Variants in STARD13 observed in about 807,000 individuals in gnomAD.
STARD13 encodes the protein stAR-related lipid transfer protein 13.
In STARD13, 62 loss-of-function variants were observed where a neutral mutation model predicts 106.4. The ratio of observed to expected loss-of-function variants is 0.58; its 90% CI spans 0.48 to 0.72. STARD13 has a LOEUF of 0.72. Ranked by LOEUF, STARD13 falls within the 30% of genes least tolerant of loss-of-function variation. The pLI is 0.00. For synonymous variants in STARD13, 565 were observed against 553.0 expected, an observed-to-expected ratio of 1.02 and a Z score of -0.31; for missense variants, 1,387 against 1,424.0, an observed-to-expected ratio of 0.97 and a Z score of 0.42.
intron 1 of STARD13, among the ~76,000 whole-genome samples, chr13:33,267,920 A>C (rs1890976871): frequency 6.6e-6 from 1 of 152,192 alleles, no homozygotes; most frequent in African/African-American, 2.4e-5. Context: ...GGCTTATCTT[A>C]CCACATCTTA....
intron 1 of STARD13, chr13:33,180,400 T>A (rs1885119544): frequency 6.6e-6 from 1 of 152,198 alleles, no homozygotes; most frequent in Non-Finnish European, 1.5e-5. Flanking sequence ...AGGGCAAAGA[T>A]GTGTTAAAAC....
chr13:33,610,780 A>G, the STARD13 span, among the ~76,000 whole-genome samples: 11 of 152,296 alleles, frequency 7.2e-5, 1 homozygote, highest in South Asian at 2.3e-3. Context: ...TGAAGCAGGG[A>G]CGCAGTGCTC....
the STARD13 span, among the ~76,000 whole-genome samples, chr13:33,493,741 G>T: frequency 6.6e-6 from 1 of 152,124 alleles, no homozygotes; most frequent in Non-Finnish European, 1.5e-5. Context: ...ATATCCAAAA[G>T]AAGACAAATA....
chr13:33,205,970 G>C, intron 1 of STARD13: 1 of 985,320 alleles, frequency 1.0e-6, no homozygotes, highest in Non-Finnish European at 1.2e-6. Context: ...ATCTCTGCCA[G>C]CTAATATTTC....
chr13:33,536,805 C>T, the STARD13 span, among the ~76,000 whole-genome samples: 1 of 152,176 alleles, frequency 6.6e-6, no homozygotes, highest in African/African-American at 2.4e-5. Context: ...ACAGCCTATA[C>T]TCCAATCTCT....
At chr13:33,358,668 G>C in the STARD13 span, among the ~76,000 whole-genome samples, 1 of 152,104 alleles carries the variant, frequency 6.6e-6, no homozygotes, top group Admixed American at 6.5e-5. Flanking sequence ...CTCAAGGTTT[G>C]TAAATACACC....
chr13:33,299,106 A>G (rs1351730443), intron 1 of STARD13, among the ~76,000 whole-genome samples: 1 of 152,232 alleles, frequency 6.6e-6, no homozygotes, highest in African/African-American at 2.4e-5. Flanking sequence ...AATTGCCTGC[A>G]GAATTCAGTA....
the STARD13 span, among the ~76,000 whole-genome samples, chr13:33,473,812 C>A: frequency 1.3e-5 from 2 of 152,218 alleles, no homozygotes; most frequent in Non-Finnish European, 2.9e-5. Flanking sequence ...TTGTCACCTG[C>A]ATCTGCATCA....
intron 1 of STARD13, among the ~76,000 whole-genome samples, chr13:33,296,173 G>A (rs1165351179): frequency 1.3e-5 from 2 of 151,556 alleles, no homozygotes. Flanking sequence ...AGTTTGCAGT[G>A]AGCTGAGATG....
chr13:33,541,945 T>G, the STARD13 span, among the ~76,000 whole-genome samples: 2 of 152,142 alleles, frequency 1.3e-5, no homozygotes, highest in African/African-American at 2.4e-5. Flanking sequence ...ATGACAAAAT[T>G]TTTCTTTGTA....
At chr13:33,521,300 C>T in the STARD13 span, among the ~76,000 whole-genome samples, 1 of 151,924 alleles carries the variant, frequency 6.6e-6, no homozygotes, top group African/African-American at 2.4e-5. Context: ...AATGAAGGTA[C>T]ACTAGATTGA....
Position 33,119,619 on chromosome 13 carries a change from G to A in STARD13, c.2083-1356C>T, listed in dbSNP as rs573247719. On this transcript the variant is annotated intron_variant, in intron 7 of 13. Transcript: ENST00000336934. Reference sequence around the variant, plus strand: ...ACTCAGGTTTTTGTATATGTCAGCCGAATGGATCACAGGGGAAATTATACA... The same window carrying A: ...ACTCAGGTTTTTGTATATGTCAGCCAAATGGATCACAGGGGAAATTATACA... Among the ~76,000 whole-genome samples, 6 of 152,298 alleles carry A rather than the reference G, an allele frequency of 3.9e-5. No individual in the cohort carries two copies. In the South Asian group the frequency reaches 1.2e-3, roughly 32 times the overall value.
chr13:33,398,936 G>A, the STARD13 span, among the ~76,000 whole-genome samples: 2 of 152,046 alleles, frequency 1.3e-5, no homozygotes, highest in African/African-American at 2.4e-5. Context: ...CCATACAAAG[G>A]CCTTCATGTG....
chr13:33,530,499 T>G, the STARD13 span, among the ~76,000 whole-genome samples: 2 of 152,212 alleles, frequency 1.3e-5, no homozygotes, highest in Non-Finnish European at 2.9e-5. Context: ...TCATCTGTAA[T>G]TTATTTTTGT....
At chr13:33,358,287 C>A in the STARD13 span, among the ~76,000 whole-genome samples, 2 of 152,194 alleles carry the variant, frequency 1.3e-5, no homozygotes, top group African/African-American at 4.8e-5. Flanking sequence ...TCCTGTGCAG[C>A]CCGAGCCTCC....
intron 5 of STARD13, among the ~76,000 whole-genome samples, chr13:33,128,692 T>C (rs568056775): frequency 1.3e-5 from 2 of 152,208 alleles, no homozygotes; most frequent in South Asian, 2.1e-4. Context: ...TATTTTTGGA[T>C]AAAACTAGGA....
chr13:33,243,027 C>T (rs1395369770), intron 1 of STARD13, among the ~76,000 whole-genome samples: 1 of 152,172 alleles, frequency 6.6e-6, no homozygotes, highest in African/African-American at 2.4e-5. Context: ...AACACCTCTC[C>T]ATCACAACTC....
chr13:33,342,557 G>A (rs79674923), intron 1 of STARD13, among the ~76,000 whole-genome samples: 3 of 151,182 alleles, frequency 2.0e-5, no homozygotes, highest in South Asian at 4.2e-4. Flanking sequence ...AAGACATGGG[G>A]TCTCACTGTG....
chr13:33,111,307 C>T (rs1484035551), intron 10 of STARD13, among the ~76,000 whole-genome samples: 1 of 152,160 alleles, frequency 6.6e-6, no homozygotes, highest in African/African-American at 2.4e-5. Context: ...ACTTTTTTAG[C>T]ACACTTTTCC....
Sources: allele counts gnomAD v4.1 joint callset (sites outside exome capture counted in the v4.1 genomes callset), GRCh38; gene constraint gnomAD v4.1.1; transcripts MANE v1.5; gene names NCBI Gene and HGNC (gene_info 2026-07-23, HGNC 2026-07-21).